Variants in AOPEP observed in about 807,000 individuals in gnomAD.
AOPEP encodes aminopeptidase O.
AOPEP carries 77 observed loss-of-function variants against 98.1 expected under a neutral mutation model. The ratio of observed to expected loss-of-function variants is 0.78; its 90% CI spans 0.65 to 0.95. The LOEUF (loss-of-function observed/expected upper bound fraction) is 0.95. Among genes scored for constraint, AOPEP ranks in the 40% least tolerant of loss-of-function variants. The pLI is 0.00. For missense variants in AOPEP, 1,024 were observed against 1,024.7 expected, an observed-to-expected ratio of 1.00 and a Z score of 0.01; for synonymous variants, 346 against 365.3, an observed-to-expected ratio of 0.95 and a Z score of 0.60.
the AOPEP span, among the ~76,000 whole-genome samples, chr9:95,094,299 A>G: frequency 6.6e-6 from 1 of 152,354 alleles, no homozygotes; most frequent in East Asian, 1.9e-4. Context: ...GAAAGGATAT[A>G]TAATCTTTTT....
intron 7 of AOPEP, chr9:94,931,694 TC>T: frequency 6.7e-7 from 1 of 1,502,958 alleles, no homozygotes; most frequent in Non-Finnish European, 9.1e-7. Context: ...AACGTAAAAA[TC>T]TCGCTTTATG....
intron 7 of AOPEP, chr9:94,931,679 A>C (rs1018242698): frequency 1.1e-5 from 15 of 1,347,126 alleles, no homozygotes; most frequent in Non-Finnish European, 1.6e-5. Context: ...ATGATGGGCC[A>C]TAACAACGTA....
intron 2 of AOPEP, among the ~76,000 whole-genome samples, chr9:94,765,644 C>G (rs761842063): frequency 7.9e-5 from 12 of 151,870 alleles, no homozygotes; most frequent in East Asian, 3.9e-4. Flanking sequence ...TTGGAGATTT[C>G]TACCCTGAAA....
the AOPEP span, chr9:95,099,058 G>A: frequency 2.2e-5 from 4 of 185,362 alleles, no homozygotes; most frequent in Non-Finnish European, 3.4e-5. Flanking sequence ...ACAACATTAG[G>A]TGCAAACTGA....
At chr9:94,786,670 A>G (rs356139) in intron 3 of AOPEP, among the ~76,000 whole-genome samples, 7,988 of 152,302 alleles carry the variant, frequency 0.052, 234 homozygotes, top group Admixed American at 0.077. Flanking sequence ...TCAAATGAGG[A>G]TACTAGAAAC....
At chr9:94,888,966 T>C (rs2048562938) in intron 5 of AOPEP, among the ~76,000 whole-genome samples, 1 of 152,046 alleles carries the variant, frequency 6.6e-6, no homozygotes, top group Non-Finnish European at 1.5e-5. Context: ...GCCTCAAGGC[T>C]CCCTCATATA....
At chr9:94,794,572 T>C (rs558686979) in intron 4 of AOPEP, among the ~76,000 whole-genome samples, 1 of 152,232 alleles carries the variant, frequency 6.6e-6, no homozygotes, top group Non-Finnish European at 1.5e-5. Context: ...CATTTTTCCT[T>C]TTTTGGCAGA....
At chr9:95,056,467 C>T (rs1401386408) in intron 13 of AOPEP, 1 of 152,310 alleles carries the variant, frequency 6.6e-6, no homozygotes, top group Non-Finnish European at 1.5e-5. Context: ...GCCTGTTCTG[C>T]ATCATGCTAA....
intron 5 of AOPEP, among the ~76,000 whole-genome samples, chr9:94,883,016 A>G (rs1396903301): frequency 6.6e-6 from 1 of 152,214 alleles, no homozygotes; most frequent in African/African-American, 2.4e-5. Context: ...TCTAAATTCA[A>G]TCTGATGCTA....
chr9:94,765,365 A>G (rs1046546682), intron 2 of AOPEP, among the ~76,000 whole-genome samples: 2 of 150,916 alleles, frequency 1.3e-5, no homozygotes, highest in Non-Finnish European at 3.0e-5. Context: ...TTTGGAAGAC[A>G]GAGGCAGGAG....
the AOPEP span, among the ~76,000 whole-genome samples, chr9:95,113,375 A>G: frequency 6.6e-6 from 1 of 152,240 alleles, no homozygotes; most frequent in African/African-American, 2.4e-5. Context: ...AGCAGGGACA[A>G]TGAATAAAAT....
chr9:95,130,417 A>C, the AOPEP span, among the ~76,000 whole-genome samples: 1 of 152,226 alleles, frequency 6.6e-6, no homozygotes, highest in Admixed American at 6.5e-5. Flanking sequence ...CCCTTTTAGA[A>C]AAAATAAAAA....
chr9:95,098,679 C>T, the AOPEP span, among the ~76,000 whole-genome samples: 10 of 152,290 alleles, frequency 6.6e-5, no homozygotes, highest in East Asian at 1.2e-3. Context: ...TGTGAAGCAA[C>T]GGAGCGAGCA....
the AOPEP span, among the ~76,000 whole-genome samples, chr9:95,136,492 A>T: frequency 7.0e-5 from 10 of 142,762 alleles, no homozygotes; most frequent in Non-Finnish European, 1.2e-4. Context: ...AGATTCCTTT[A>T]AAAAAAAAAA....
At position 94,858,959 on chromosome 9, in the gene AOPEP, C is replaced by T. The variant is rs1035098665; in HGVS notation, c.1364+57957C>T. On this transcript the variant is annotated intron_variant, in intron 5 of 16. Coordinates refer to ENST00000375315, the MANE Select transcript of AOPEP (RefSeq NM_001193329.3). ...AGGAGAATGGTGTGAACCCGGGAGG[C>T]GGAGCTTGCAGTGAGCCAAGATTGC... 8.8e-5 allele frequency among the ~76,000 whole-genome samples: 13 copies of T among 148,194 alleles called. No individual in the cohort carries two copies. In the South Asian group the frequency reaches 1.9e-3, roughly 22 times the overall value.
intron 11 of AOPEP, among the ~76,000 whole-genome samples, chr9:94,991,899 G>A (rs2060913530): frequency 6.6e-6 from 1 of 152,198 alleles, no homozygotes; most frequent in African/African-American, 2.4e-5. Flanking sequence ...ATAGAGATTA[G>A]TTTAGGTCTT....
At chr9:94,855,686 T>C (rs4743970) in intron 5 of AOPEP, among the ~76,000 whole-genome samples, 144,156 of 152,166 alleles carry the variant, frequency 0.95, 68,306 homozygotes, top group Middle Eastern at 0.99. Context: ...AACGAAACTC[T>C]GTCTCAAAAA....
chr9:94,931,061 G>T (rs1365027897), intron 7 of AOPEP, among the ~76,000 whole-genome samples: 1 of 152,172 alleles, frequency 6.6e-6, no homozygotes, highest in Non-Finnish European at 1.5e-5. Flanking sequence ...TAGTCCTTCA[G>T]TGGGGTAGGG....
the AOPEP span, chr9:95,123,852 C>A: frequency 1.6e-6 from 1 of 616,500 alleles, no homozygotes; most frequent in East Asian, 3.4e-5. Flanking sequence ...CCACAACCCC[C>A]ACCAAAGCCC....
Sources: allele counts gnomAD v4.1 joint callset (sites outside exome capture counted in the v4.1 genomes callset), GRCh38; gene constraint gnomAD v4.1.1; transcripts MANE v1.5; gene names NCBI Gene and HGNC (gene_info 2026-07-23, HGNC 2026-07-21).